Variants in ABHD12B observed in about 807,000 individuals in gnomAD.
The protein encoded by ABHD12B is abhydrolase domain containing 12B.
ABHD12B carries 42 observed loss-of-function variants against 50.4 expected under a neutral mutation model. The ratio of observed to expected loss-of-function variants is 0.83; its 90% confidence interval spans 0.65 to 1.08. ABHD12B has a LOEUF of 1.08. ABHD12B is among the 50% of genes least tolerant of loss of function. The probability of loss-of-function intolerance (pLI) is 0.00; values close to 1 mark genes in which losing one functional copy is unlikely to be tolerated. For synonymous variants in ABHD12B, 167 were observed against 160.3 expected (o/e 1.04, Z -0.32); for missense variants, 479 against 447.7 (o/e 1.07, Z -0.63).
intron 9 of ABHD12B, among the ~76,000 whole-genome samples, chr14:50,889,728 G>A (rs1006018733): frequency 4.6e-5 from 7 of 152,200 alleles, no homozygotes; most frequent in African/African-American, 7.2e-5. Flanking sequence ...TTGTACGTAC[G>A]TGTAAACGTT....
chr14:50,898,736 G>A (rs532983750), intron 9 of ABHD12B, among the ~76,000 whole-genome samples: 36 of 152,304 alleles, frequency 2.4e-4, no homozygotes, highest in Non-Finnish European at 4.7e-4. Context: ...AGTACCAGAA[G>A]ACAAAAGAGA....
chr14:50,878,608 ATACTC>A, intron 2 of ABHD12B, 132 bp from the exon 3 acceptor site: 1 of 688,624 alleles, frequency 1.5e-6, no homozygotes, highest in East Asian at 2.7e-5. Flanking sequence ...ATAAAATAAA[ATACTC>A]TGCTAGGAGT....
At chr14:50,876,711 A>T (rs1401811465) in intron 1 of ABHD12B, among the ~76,000 whole-genome samples, 1 of 152,176 alleles carries the variant, frequency 6.6e-6, no homozygotes, top group Non-Finnish European at 1.5e-5. Context: ...CCTTGGAAAG[A>T]TTACTTAACT....
At chr14:50,885,560 C>G (rs1285252650) in intron 5 of ABHD12B, 54 bp from the exon 6 acceptor site, 2 of 1,603,760 alleles carry the variant, frequency 1.2e-6, no homozygotes, top group African/African-American at 1.3e-5. Flanking sequence ...GGAGGAGAAG[C>G]CTTTTCTGTT....
Position 50,872,268 on chromosome 14 carries a change from C to A in ABHD12B, c.94C>A (p.Arg32Ser), listed in dbSNP as rs1189064735. Residue 32 changes from arginine (R) to serine (S), a missense_variant, in exon 1 of 13, where the codon CGC becomes AGC. Physicochemically the swap from Arg to Ser is moderately radical, Grantham distance 110. Transcript: ENST00000337334. ...GGCCGCCTGGTGGGACATGGTCGAC[C>A]GCAACCTGCGGTGAGTACCGCCCGG... ...CVAAWWDMVD[R>S]NLRYFPHSCS... 5 of 1,370,122 alleles carry A rather than the reference C, an allele frequency of 3.6e-6. No individual in the cohort carries two copies. Among genetic ancestry groups the A allele is most frequent in the Admixed American group, 3.0e-5 (1 of 33,606 alleles). The allele number at this position is 1,370,122 out of a possible 1,614,324, so 84.9% of individuals were successfully genotyped here.
At chr14:50,872,688 C>A (rs775646733) in intron 1 of ABHD12B, among the ~76,000 whole-genome samples, 1 of 152,180 alleles carries the variant, frequency 6.6e-6, no homozygotes, top group Non-Finnish European at 1.5e-5. Flanking sequence ...GGACGGGATC[C>A]TCTTAGGTCA....
chr14:50,902,495 A>T (rs1227158663), intron 10 of ABHD12B, among the ~76,000 whole-genome samples: 2 of 152,158 alleles, frequency 1.3e-5, no homozygotes, highest in African/African-American at 4.8e-5. Context: ...CAAACAAACA[A>T]ACAAAAAACC....
At chr14:50,883,185 C>G (rs1314811019) in intron 5 of ABHD12B, among the ~76,000 whole-genome samples, 1 of 152,146 alleles carries the variant, frequency 6.6e-6, no homozygotes, top group Non-Finnish European at 1.5e-5. Context: ...CCTGTTTATC[C>G]TCTTCCACCC....
chr14:50,872,429 G>A, intron 1 of ABHD12B, 151 bp downstream of exon 1: 2 of 487,228 alleles, frequency 4.1e-6, no homozygotes, highest in South Asian at 1.0e-4. Context: ...GACCTCGGCG[G>A]CCCCCTGAGA....
intron 9 of ABHD12B, among the ~76,000 whole-genome samples, chr14:50,895,928 C>T (rs147360857): frequency 3.3e-5 from 5 of 150,832 alleles, no homozygotes; most frequent in South Asian, 2.1e-4. Context: ...GCCCAGTTCC[C>T]GTATTAGGCT....
At chr14:50,889,298 C>T (rs1696684321) in intron 9 of ABHD12B, among the ~76,000 whole-genome samples, 1 of 152,136 alleles carries the variant, frequency 6.6e-6, no homozygotes. Context: ...AAGAAAGCTG[C>T]CAAATACTTT....
chr14:50,879,203 GCTAA>G (rs967244102), intron 3 of ABHD12B, among the ~76,000 whole-genome samples: 3 of 152,056 alleles, frequency 2.0e-5, no homozygotes, highest in African/African-American at 4.8e-5. Context: ...CTCTTGCCTT[GCTAA>G]CTGTCTACTC....
At position 50,874,343 on chromosome 14, in the gene ABHD12B, G is replaced by A. The variant is rs552253350; in HGVS notation, c.104+2065G>A. ...AGGCCAGGCATTGTGGCTCACATCT[G>A]TAATCCCAGCACTTTGGGAAGCCAA... On this transcript the variant is annotated intron_variant, in intron 1 of 12. Coordinates refer to ENST00000337334, the MANE Select transcript of ABHD12B (RefSeq NM_001206673.2). Among the ~76,000 whole-genome samples the A allele has an allele frequency of 5.9e-5, 9 of 152,318 alleles. No homozygotes were observed. The East Asian group carries it at 1.2e-3, about 20-fold the overall frequency.
chr14:50,877,772 C>T (rs1440750960), intron 1 of ABHD12B, among the ~76,000 whole-genome samples, 180 bp from the exon 2 acceptor site: 1 of 151,028 alleles, frequency 6.6e-6, no homozygotes, highest in Non-Finnish European at 1.5e-5. Flanking sequence ...GAGGCTCAGG[C>T]AGGAGAATTG....
chr14:50,896,030 T>C (rs1164999688), intron 9 of ABHD12B, among the ~76,000 whole-genome samples: 4 of 152,100 alleles, frequency 2.6e-5, no homozygotes, highest in Admixed American at 6.5e-5. Flanking sequence ...CAAAGCCTCC[T>C]TTGCGTCCTC....
At chr14:50,873,710 C>T (rs2049819422) in intron 1 of ABHD12B, among the ~76,000 whole-genome samples, 1 of 152,112 alleles carries the variant, frequency 6.6e-6, no homozygotes, top group South Asian at 2.1e-4. Context: ...GGAACGTTGA[C>T]ATCTAATGTT....
In ABHD12B at chr14:50,894,699, C is replaced by G. The variant is rs1360416830; in HGVS notation, c.780+5796C>G. On this transcript the variant is annotated intron_variant, in intron 9 of 12. Transcript: ENST00000337334. The stretch of plus-strand genomic sequence containing the variant: ...CTGAGGTGCCTGACGTCCAGGCATT[C>G]TTTTACACATCAGTCCCTTCCTAGT... Among the ~76,000 whole-genome samples, 5 of 151,834 alleles carry G rather than the reference C, an allele frequency of 3.3e-5. No individual in the cohort carries two copies. The East Asian group carries it at 9.7e-4, about 29-fold the overall frequency.
chr14:50,885,482 A>T (rs1308362163), intron 5 of ABHD12B, 132 bp from the exon 6 acceptor site: 1 of 966,788 alleles, frequency 1.0e-6, no homozygotes, highest in East Asian at 2.4e-5. Context: ...GTTAAAAAAA[A>T]TACTAATGAA....
intron 9 of ABHD12B, among the ~76,000 whole-genome samples, chr14:50,890,718 T>A (rs1365983390): frequency 6.6e-6 from 1 of 152,256 alleles, no homozygotes; most frequent in Non-Finnish European, 1.5e-5. Flanking sequence ...GTGTTGTTTA[T>A]TATATTTGTA....
Sources: allele counts gnomAD v4.1 joint callset (sites outside exome capture counted in the v4.1 genomes callset), GRCh38; gene constraint gnomAD v4.1.1; transcripts MANE v1.5; gene names NCBI Gene and HGNC (gene_info 2026-07-23, HGNC 2026-07-21).